Variants in KCND3 observed in about 807,000 individuals in gnomAD.
The protein encoded by KCND3 is A-type voltage-gated potassium channel KCND3.
In KCND3, 9 loss-of-function variants were observed where a neutral mutation model predicts 51.1. That is an observed-to-expected ratio of 0.18 (90% CI 0.11 to 0.31). The LOEUF is 0.31. KCND3 is among the 10% of genes least tolerant of loss of function. KCND3 has a pLI of 1.00. For missense variants in KCND3, 526 were observed against 903.8 expected (o/e 0.58, Z 5.36); for synonymous variants, 349 against 368.0 (o/e 0.95, Z 0.59).
intron 2 of KCND3, among the ~76,000 whole-genome samples, chr1:111,965,438 C>CCCCACACACACACACACACACACACA (rs1553184422): frequency 1.4e-5 from 1 of 72,368 alleles, no homozygotes; most frequent in East Asian, 5.8e-4. Flanking sequence ...GCCAGCAAAA[C>CCCCACACACACACACACACACACACA]CACACACACA....
At chr1:111,913,199 A>G (rs1159111003) in intron 2 of KCND3, among the ~76,000 whole-genome samples, 1 of 152,216 alleles carries the variant, frequency 6.6e-6, no homozygotes, top group East Asian at 1.9e-4. Flanking sequence ...AGTATTCTAT[A>G]CAGTAATATG....
intron 2 of KCND3, among the ~76,000 whole-genome samples, chr1:111,915,766 CA>C (rs1265793985): frequency 9.2e-5 from 11 of 119,266 alleles, no homozygotes; most frequent in South Asian, 8.3e-4. Flanking sequence ...AAAAAAAAAA[CA>C]AAAAAAAAAA....
intron 2 of KCND3, among the ~76,000 whole-genome samples, chr1:111,931,523 G>C (rs1671971060): frequency 6.6e-6 from 1 of 152,168 alleles, no homozygotes; most frequent in African/African-American, 2.4e-5. Flanking sequence ...AAAGATTCTA[G>C]AGCCTGGGTT....
chr1:111,904,771 G>T (rs1158123649), intron 2 of KCND3, among the ~76,000 whole-genome samples: 1 of 152,218 alleles, frequency 6.6e-6, no homozygotes, highest in Non-Finnish European at 1.5e-5. Flanking sequence ...CTCTGATAGA[G>T]CCCTGACATA....
intron 2 of KCND3, among the ~76,000 whole-genome samples, chr1:111,828,095 G>A (rs1001063377): frequency 2.6e-5 from 4 of 152,166 alleles, no homozygotes; most frequent in Non-Finnish European, 5.9e-5. Flanking sequence ...TGAGCCCAAG[G>A]CTTGCCGCTC....
At chr1:111,863,021 T>C (rs1378222285) in intron 2 of KCND3, among the ~76,000 whole-genome samples, 5 of 152,148 alleles carry the variant, frequency 3.3e-5, no homozygotes, top group African/African-American at 1.2e-4. Context: ...TTGATTAGAA[T>C]AGAAAGCGGA....
chr1:111,911,980 G>A (rs1670970855), intron 2 of KCND3, among the ~76,000 whole-genome samples: 1 of 152,204 alleles, frequency 6.6e-6, no homozygotes, highest in Admixed American at 6.5e-5. Flanking sequence ...GACTGAGGCA[G>A]CTAGAGTGTG....
At chr1:111,811,055 C>T (rs1035796291) in intron 2 of KCND3, among the ~76,000 whole-genome samples, 1 of 152,194 alleles carries the variant, frequency 6.6e-6, no homozygotes, top group Non-Finnish European at 1.5e-5. Flanking sequence ...GACACCAGGT[C>T]AATGTTCCAT....
intron 1 of KCND3, among the ~76,000 whole-genome samples, chr1:111,988,503 T>A (rs1675419961): frequency 6.6e-6 from 1 of 152,218 alleles, no homozygotes; most frequent in Non-Finnish European, 1.5e-5. Flanking sequence ...GTTCCCTTCC[T>A]GTGTGCCAAC....
intron 5 of KCND3, among the ~76,000 whole-genome samples, chr1:111,779,696 G>A (rs1200813684): frequency 6.6e-6 from 1 of 151,604 alleles, no homozygotes; most frequent in African/African-American, 2.4e-5. Flanking sequence ...CAGGGTGACT[G>A]GGCAGGGGTG....
At chr1:111,984,603 G>C (rs1332801880) in intron 1 of KCND3, among the ~76,000 whole-genome samples, 1 of 152,110 alleles carries the variant, frequency 6.6e-6, no homozygotes, top group African/African-American at 2.4e-5. Flanking sequence ...GCAAGGTTCT[G>C]ATTGTATTTT....
intron 2 of KCND3, among the ~76,000 whole-genome samples, chr1:111,943,624 G>A (rs573372676): frequency 6.6e-6 from 1 of 152,354 alleles, no homozygotes; most frequent in South Asian, 2.1e-4. Flanking sequence ...TGCACAGCGT[G>A]TTGCTGGGTC....
chr1:111,894,472 T>C (rs74418237), intron 2 of KCND3, among the ~76,000 whole-genome samples: 3,804 of 152,326 alleles, frequency 0.025, 126 homozygotes, highest in East Asian at 0.16. Flanking sequence ...TAGTCATCTG[T>C]ACATTTATGT....
Position 111,780,904 on chromosome 1 carries a change from G to A in KCND3, c.1270-113C>T. 1 of 847,292 alleles carries A rather than the reference G, an allele frequency of 1.2e-6. No individual in the cohort carries two copies. Among genetic ancestry groups the A allele is most frequent in the Non-Finnish European group, 1.9e-6 (1 of 516,272 alleles). The allele number at this position is 847,292 out of a possible 1,614,324, so 52.5% of individuals were successfully genotyped here. On this transcript the variant is annotated intron_variant, in intron 3 of 7. Coordinates refer to ENST00000302127, the MANE Select transcript of KCND3 (RefSeq NM_001378969.1). The surrounding 1 kb of genome is among the most constrained non-coding windows in gnomAD (Gnocchi z 4.2). ...AGGTGACACCTGATGAAGGGGATGAGGCTGTTTCTCTCCAACCTCATGCAT... is the reference window on the plus strand; with the variant it reads ...AGGTGACACCTGATGAAGGGGATGAAGCTGTTTCTCTCCAACCTCATGCAT...
intron 2 of KCND3, among the ~76,000 whole-genome samples, chr1:111,827,571 G>C (rs375603241): frequency 9.2e-4 from 140 of 152,310 alleles, no homozygotes; most frequent in Middle Eastern, 3.4e-3. Context: ...ATATTGAGCA[G>C]TAAGTACATG....
intron 2 of KCND3, among the ~76,000 whole-genome samples, chr1:111,895,820 G>A (rs559448144): frequency 9.2e-5 from 14 of 152,354 alleles, no homozygotes; most frequent in African/African-American, 3.4e-4. Flanking sequence ...CCAGCCGGCT[G>A]GTGTGTCCTA....
intron 2 of KCND3, among the ~76,000 whole-genome samples, chr1:111,890,151 T>C (rs764103330): frequency 1.3e-5 from 2 of 152,274 alleles, no homozygotes; most frequent in South Asian, 2.1e-4. Flanking sequence ...GAGGAAAATA[T>C]GCTCTGCCTT....
Position 111,880,738 on chromosome 1 carries a change from A to C in KCND3, c.1107-93632T>G, listed in dbSNP as rs1164675209. 2.0e-5 allele frequency among the ~76,000 whole-genome samples: 3 copies of C among 152,222 alleles called. No homozygotes were observed. In the East Asian group the frequency reaches 5.8e-4, roughly 29 times the overall value. ...AACATTTAAATATCATAGTTACTGC[A>C]GTGTGCCTTCGCTCCTGCTATTCCC... On this transcript the variant is annotated intron_variant, in intron 2 of 7. Transcript: ENST00000302127.
chr1:111,978,189 A>T (rs1674748954), intron 2 of KCND3, among the ~76,000 whole-genome samples: 1 of 152,208 alleles, frequency 6.6e-6, no homozygotes, highest in Non-Finnish European at 1.5e-5. Flanking sequence ...TAACTCATCA[A>T]CGAGGTGCTG....
Sources: gnomAD v4.1 joint callset for allele counts (sites outside exome capture counted in the v4.1 genomes callset) on GRCh38, gnomAD v4.1.1 for gene constraint, Gnocchi (gnomAD v3.1) non-coding constraint, MANE v1.5 for transcripts, NCBI Gene and HGNC (gene_info 2026-07-23, HGNC 2026-07-21) for gene names.